The following GRM1 variants were observed in gnomAD, a reference collection of about 807,000 sequenced individuals.
GRM1 encodes metabotropic glutamate receptor 1.
Under a neutral mutation model 90.9 loss-of-function variants are expected in GRM1, and 33 were observed. The ratio of observed to expected loss-of-function variants is 0.36; its 90% CI spans 0.28 to 0.49. GRM1 has a LOEUF of 0.49. Among genes scored for constraint, GRM1 ranks in the 20% least tolerant of loss-of-function variants. The probability of loss-of-function intolerance (pLI) is 0.99; values close to 1 mark genes in which losing one functional copy is unlikely to be tolerated. For synonymous variants in GRM1, 700 were observed against 613.2 expected, an observed-to-expected ratio of 1.14 and a Z score of -2.09; for missense variants, 1,190 against 1,534.3, an observed-to-expected ratio of 0.78 and a Z score of 3.75.
chr6:146,357,955 C>T (rs903317789), intron 5 of GRM1, among the ~76,000 whole-genome samples: 1 of 152,056 alleles, frequency 6.6e-6, no homozygotes, highest in Non-Finnish European at 1.5e-5. Context: ...TGGCAGGAAA[C>T]GGATGAGTAA....
intron 1 of GRM1, among the ~76,000 whole-genome samples, chr6:146,068,439 CATT>C (rs1175469820): frequency 6.6e-6 from 1 of 152,102 alleles, no homozygotes; most frequent in Non-Finnish European, 1.5e-5. Context: ...AAGACTTTGT[CATT>C]GTGTTAAATT....
intron 5 of GRM1, among the ~76,000 whole-genome samples, chr6:146,379,476 T>C (rs1776238938): frequency 6.6e-6 from 1 of 152,192 alleles, no homozygotes; most frequent in African/African-American, 2.4e-5. Flanking sequence ...TCTGAATTCC[T>C]TCTCTGTGTT....
At chr6:146,081,912 A>G (rs1776376092) in intron 1 of GRM1, among the ~76,000 whole-genome samples, 1 of 152,188 alleles carries the variant, frequency 6.6e-6, no homozygotes, top group African/African-American at 2.4e-5. Context: ...TGGAGGGACA[A>G]GAAAGGTTTT....
chr6:146,144,042 AG>A (rs1236133503), intron 1 of GRM1, among the ~76,000 whole-genome samples: 1 of 152,190 alleles, frequency 6.6e-6, no homozygotes, highest in Non-Finnish European at 1.5e-5. Flanking sequence ...ACAGACTAGG[AG>A]GCTTAAACCA....
intron 1 of GRM1, among the ~76,000 whole-genome samples, chr6:146,126,756 T>G (rs1364492890): frequency 6.6e-6 from 1 of 152,124 alleles, no homozygotes; most frequent in Non-Finnish European, 1.5e-5. Flanking sequence ...TGAAATCTAC[T>G]GTTGAAGAAA....
intron 2 of GRM1, among the ~76,000 whole-genome samples, chr6:146,247,377 T>G (rs1417817578): frequency 6.6e-6 from 1 of 152,068 alleles, no homozygotes; most frequent in Non-Finnish European, 1.5e-5. Flanking sequence ...GGAGGCAGCT[T>G]TTAGAAAAAG....
chr6:146,414,179 C>T (rs116409519), intron 7 of GRM1, among the ~76,000 whole-genome samples: 105 of 152,188 alleles, frequency 6.9e-4, no homozygotes, highest in African/African-American at 2.3e-3. Flanking sequence ...ATGTATGAGA[C>T]GCATTTGGTG....
At chr6:146,228,938 G>T (rs1315352270) in intron 2 of GRM1, among the ~76,000 whole-genome samples, 1 of 151,940 alleles carries the variant, frequency 6.6e-6, no homozygotes, top group African/African-American at 2.4e-5. Context: ...TTTGTTTATA[G>T]TTTCTGTCTG....
intron 7 of GRM1, among the ~76,000 whole-genome samples, chr6:146,410,030 T>C (rs1294205146): frequency 6.6e-6 from 1 of 152,228 alleles, no homozygotes. Context: ...GGAATTAATA[T>C]CTTTTTCCAC....
chr6:146,286,383 G>A (rs1782767847), intron 2 of GRM1, among the ~76,000 whole-genome samples: 2 of 152,136 alleles, frequency 1.3e-5, no homozygotes, highest in African/African-American at 4.8e-5. Context: ...TAAATAGCAT[G>A]TGACTTTAAA....
At chr6:146,195,546 A>G (rs535215059) in intron 2 of GRM1, among the ~76,000 whole-genome samples, 2 of 152,332 alleles carry the variant, frequency 1.3e-5, no homozygotes, top group African/African-American at 2.4e-5. Flanking sequence ...CAGTAAGTGC[A>G]CAGGGGCAGG....
intron 2 of GRM1, among the ~76,000 whole-genome samples, chr6:146,284,060 T>C (rs2114863123): frequency 6.6e-6 from 1 of 152,276 alleles, no homozygotes; most frequent in African/African-American, 2.4e-5. Flanking sequence ...GGCTTGGGCC[T>C]CTATCTGTGG....
intron 2 of GRM1, among the ~76,000 whole-genome samples, chr6:146,212,860 C>A (rs1377443717): frequency 2.0e-5 from 3 of 151,848 alleles, no homozygotes; most frequent in African/African-American, 7.3e-5. Context: ...CCTGTGTACT[C>A]ATTTGTTAAA....
intron 2 of GRM1, among the ~76,000 whole-genome samples, chr6:146,247,779 GGT>G (rs370078805): frequency 0.084 from 11,509 of 136,796 alleles, 1,269 homozygotes; most frequent in African/African-American, 0.26. Context: ...AAATGTGTGT[GGT>G]GTGTGTGTGT....
At chr6:146,182,781 A>G (rs935437180) in intron 2 of GRM1, among the ~76,000 whole-genome samples, 6 of 152,142 alleles carry the variant, frequency 3.9e-5, no homozygotes. Flanking sequence ...TTAAGTCAAT[A>G]AAACATTCCA....
chr6:146,175,491 G>A (rs1213573197), intron 2 of GRM1, among the ~76,000 whole-genome samples: 1 of 152,104 alleles, frequency 6.6e-6, no homozygotes, highest in African/African-American at 2.4e-5. Flanking sequence ...CTATATAGAT[G>A]GTGTTTCTTT....
chr6:146,190,957 T>TCATA (rs1401861012), intron 2 of GRM1, among the ~76,000 whole-genome samples: 2 of 152,184 alleles, frequency 1.3e-5, no homozygotes, highest in Non-Finnish European at 2.9e-5. Flanking sequence ...GGAATTGTAT[T>TCATA]CATAGCTCCT....
intron 1 of GRM1, among the ~76,000 whole-genome samples, chr6:146,101,410 A>T (rs1338464904): frequency 1.3e-5 from 2 of 152,154 alleles, no homozygotes; most frequent in East Asian, 3.9e-4. Context: ...ACATGAACAT[A>T]ATTTGAACCC....
intron 5 of GRM1, among the ~76,000 whole-genome samples, chr6:146,382,641 AACAG>A (rs1776357938): frequency 6.6e-6 from 1 of 152,278 alleles, no homozygotes; most frequent in South Asian, 2.1e-4. Context: ...AGAAATTAAT[AACAG>A]ACAAAGTCAG....
Sources: gnomAD v4.1 joint callset for allele counts (sites outside exome capture counted in the v4.1 genomes callset) on GRCh38, gnomAD v4.1.1 for gene constraint, MANE v1.5 for transcripts, NCBI Gene and HGNC (gene_info 2026-07-23, HGNC 2026-07-21) for gene names.